The following ATAD1 variants were observed in gnomAD, a reference collection of about 807,000 sequenced individuals.
ATAD1 encodes outer mitochondrial transmembrane helix translocase.
Under a neutral mutation model 42.7 loss-of-function variants are expected in ATAD1, and 18 were observed. The observed-to-expected ratio is 0.42, with a 90% CI of 0.29 to 0.63. The LOEUF is 0.63. Among genes scored for constraint, ATAD1 ranks in the 20% least tolerant of loss-of-function variants. The probability of loss-of-function intolerance (pLI) is 0.19; values close to 1 mark genes in which losing one functional copy is unlikely to be tolerated. For missense variants in ATAD1, 294 were observed against 440.4 expected, an observed-to-expected ratio of 0.67 and a Z score of 2.98; for synonymous variants, 132 against 143.1, an observed-to-expected ratio of 0.92 and a Z score of 0.55.
At chr10:87,806,282 T>C (rs1856920221) in intron 2 of ATAD1, among the ~76,000 whole-genome samples, 2 of 152,152 alleles carry the variant, frequency 1.3e-5, no homozygotes, top group Admixed American at 1.3e-4. Flanking sequence ...TGGTCATTTT[T>C]TTTTTTAAGT....
In ATAD1 at chr10:87,770,965, T is replaced by C; in HGVS notation, c.767A>G (p.His256Arg). Residue 256 changes from histidine (H) to arginine (R), a missense_variant, in exon 7 of 10, where the codon CAT becomes CGT. Transcript: ENST00000680024. ...AAGACCACCTACAGGCTGGTTGATA[T>C]GAAATCTTGTAGGCATTCTTCTCAT... is the stretch of plus-strand genomic sequence containing the variant. Reference protein sequence around the residue: ...AIMRRMPTRFHINQPALKQRE... With the variant: ...AIMRRMPTRFRINQPALKQRE... 1 of 1,613,364 alleles carries C rather than the reference T, an allele frequency of 6.2e-7. No individual in the cohort carries two copies. Among genetic ancestry groups the C allele is most frequent in the Non-Finnish European group, 8.5e-7 (1 of 1,179,536 alleles).
intron 2 of ATAD1, among the ~76,000 whole-genome samples, chr10:87,793,375 C>G (rs1467589711): frequency 6.6e-6 from 1 of 152,070 alleles, no homozygotes; most frequent in East Asian, 1.9e-4. Flanking sequence ...AGCAATACAA[C>G]AAAGCTTTCA....
intron 2 of ATAD1, among the ~76,000 whole-genome samples, chr10:87,802,482 A>G (rs1184447311): frequency 6.6e-6 from 1 of 152,152 alleles, no homozygotes; most frequent in African/African-American, 2.4e-5. Context: ...GATTATTTCT[A>G]TGGAACAAAG....
chr10:87,836,384 T>G (rs1320229925), intron 1 of ATAD1, among the ~76,000 whole-genome samples: 1 of 152,234 alleles, frequency 6.6e-6, no homozygotes, highest in East Asian at 1.9e-4. Flanking sequence ...TGACAACAAA[T>G]TATCTTTGTT....
Position 87,765,304 on chromosome 10 carries a change from G to T in ATAD1, c.831+2369C>A, listed in dbSNP as rs12769214. 7.9e-3 allele frequency among the ~76,000 whole-genome samples: 1,198 copies of T among 151,970 alleles called. 11 individuals carry two copies. Among genetic ancestry groups the T allele is most frequent in the Non-Finnish European group, 0.012 (817 of 67,968 alleles). On this transcript the variant is annotated intron_variant, in intron 8 of 9. Transcript: ENST00000680024. ...GATTTATTAGTTTATACAGTGAGTT[G>T]TAACAGTGAGTTTAGATATCAAGTT...
chr10:87,793,864 A>G (rs1445190503), intron 2 of ATAD1, among the ~76,000 whole-genome samples: 10 of 152,254 alleles, frequency 6.6e-5, no homozygotes, highest in Admixed American at 4.6e-4. Flanking sequence ...CTCTAAAAGG[A>G]AATTCACATC....
At chr10:87,770,146 A>G (rs1370313489) in intron 7 of ATAD1, among the ~76,000 whole-genome samples, 1 of 152,222 alleles carries the variant, frequency 6.6e-6, no homozygotes, top group African/African-American at 2.4e-5. Flanking sequence ...GATCATGTTT[A>G]CTACCAAAAA....
intron 3 of ATAD1, among the ~76,000 whole-genome samples, chr10:87,792,146 G>T (rs1445352864): frequency 6.6e-6 from 1 of 152,172 alleles, no homozygotes; most frequent in Non-Finnish European, 1.5e-5. Flanking sequence ...GCTGGCATGT[G>T]GGAACTTAGA....
upstream of ATAD1, among the ~76,000 whole-genome samples, chr10:87,821,349 G>A (rs1428368332): frequency 1.3e-5 from 2 of 152,054 alleles, no homozygotes; most frequent in African/African-American, 4.8e-5. Flanking sequence ...CCAACATGGT[G>A]AAACCTTGTT....
intron 4 of ATAD1, among the ~76,000 whole-genome samples, chr10:87,786,855 T>C (rs771308808): frequency 6.6e-6 from 1 of 151,982 alleles, no homozygotes; most frequent in East Asian, 1.9e-4. Context: ...CTGGGGAGGC[T>C]GAGTTAGAAG....
At chr10:87,831,829 T>A (rs2132110861) in intron 1 of ATAD1, among the ~76,000 whole-genome samples, 1 of 152,348 alleles carries the variant, frequency 6.6e-6, no homozygotes, top group East Asian at 1.9e-4. Context: ...TAGTATTTAA[T>A]ATATACCAGC....
chr10:87,833,727 CTTTTTTTTTT>C (rs3033524), intron 1 of ATAD1, among the ~76,000 whole-genome samples: 3 of 100,768 alleles, frequency 3.0e-5, no homozygotes, highest in Admixed American at 1.3e-4. Flanking sequence ...TCTTTCTTTC[CTTTTTTTTTT>C]TTTTTTTTTT....
intron 2 of ATAD1, among the ~76,000 whole-genome samples, chr10:87,804,558 C>G (rs567047345): frequency 1.2e-4 from 19 of 152,064 alleles, no homozygotes; most frequent in African/African-American, 4.3e-4. Flanking sequence ...TTAGTAGAGA[C>G]GGGGTTTTGC....
At chr10:87,828,976 G>C (rs1857778241) in intron 1 of ATAD1, among the ~76,000 whole-genome samples, 1 of 152,180 alleles carries the variant, frequency 6.6e-6, no homozygotes, top group Non-Finnish European at 1.5e-5. Context: ...TTCATTTCAA[G>C]ATGTTAACTG....
In ATAD1 at chr10:87,756,730, T is replaced by C. The variant is rs2131751139; in HGVS notation, c.965+59A>G. The stretch of plus-strand genomic sequence containing the variant: ...TAATATAAAGCAAAATAAAAGAAAC[T>C]AACCTAAAAGCTCTAAAAGATTTTG... On this transcript the variant is annotated intron_variant, in intron 9 of 9. Transcript: ENST00000680024. 2.8e-6 allele frequency: 4 copies of C among 1,442,034 alleles called. No individual in the cohort carries two copies. The East Asian group carries it at 1.0e-4, about 36-fold the overall frequency. The allele number at this position is 1,442,034 out of a possible 1,614,324, so 89.3% of individuals were successfully genotyped here.
At position 87,776,530 on chromosome 10, in the gene ATAD1, G is replaced by A. The variant is rs548593961; in HGVS notation, c.584-103C>T. 7.3e-5 allele frequency: 60 copies of A among 820,270 alleles called. No homozygotes were observed. The Middle Eastern group carries it at 8.2e-4, about 11-fold the overall frequency. The allele number at this position is 820,270 out of a possible 1,614,324, so 50.8% of individuals were successfully genotyped here. On this transcript the variant is annotated intron_variant, in intron 5 of 9. Coordinates refer to ENST00000680024, the MANE Select transcript of ATAD1 (RefSeq NM_001321967.2). ...GTTGCCCAGGCTGGGGTGCAATGGCGCAATTACAGCACATTGCAACCTCGA... is the reference window on the plus strand; with the variant it reads ...GTTGCCCAGGCTGGGGTGCAATGGCACAATTACAGCACATTGCAACCTCGA...
chr10:87,825,920 C>T (rs958984670), intron 1 of ATAD1, among the ~76,000 whole-genome samples: 9 of 152,128 alleles, frequency 5.9e-5, no homozygotes, highest in Admixed American at 2.6e-4. Context: ...TAGAAACATT[C>T]CCAAAGTTGA....
At chr10:87,804,275 T>C (rs1564773183) in intron 2 of ATAD1, among the ~76,000 whole-genome samples, 1 of 152,208 alleles carries the variant, frequency 6.6e-6, no homozygotes, top group Non-Finnish European at 1.5e-5. Flanking sequence ...AAATAATTAA[T>C]GTCATAGTAA....
chr10:87,814,653 A>C, intron 1 of ATAD1, 41 bp from the exon 2 acceptor site: 1 of 1,384,648 alleles, frequency 7.2e-7, no homozygotes, highest in Non-Finnish European at 9.4e-7. Context: ...TAATAACTAT[A>C]CTTATTAAAA....
Sources: gnomAD v4.1 joint callset for allele counts (sites outside exome capture counted in the v4.1 genomes callset) on GRCh38, gnomAD v4.1.1 for gene constraint, MANE v1.5 for transcripts, NCBI Gene and HGNC (gene_info 2026-07-23, HGNC 2026-07-21) for gene names.